The following CHSY3 variants were observed in gnomAD, a reference collection of about 807,000 sequenced individuals.
CHSY3 encodes the protein N-acetylgalactosaminyl-proteoglycan 3-beta-glucuronosyltransferase 3.
A neutral mutation model predicts 67.2 loss-of-function variants in CHSY3; 35 were observed. The ratio of observed to expected loss-of-function variants is 0.52; its 90% CI spans 0.40 to 0.69. The LOEUF (loss-of-function observed/expected upper bound fraction) is 0.69, where lower values mean the gene tolerates loss of function less well. CHSY3 is among the 30% of genes least tolerant of loss of function. CHSY3 has a pLI of 0.00. For synonymous variants in CHSY3, 474 were observed against 434.7 expected (o/e 1.09, Z -1.12); for missense variants, 1,069 against 1,138.5 (o/e 0.94, Z 0.88).
intron 2 of CHSY3, among the ~76,000 whole-genome samples, chr5:130,011,462 T>A (rs903973393): frequency 3.9e-5 from 6 of 152,144 alleles, no homozygotes; most frequent in African/African-American, 1.4e-4. Flanking sequence ...TAGTCATCAA[T>A]GGTACATACC....
At chr5:130,044,278 G>A (rs1467803776) in intron 2 of CHSY3, among the ~76,000 whole-genome samples, 9 of 152,114 alleles carry the variant, frequency 5.9e-5, no homozygotes, top group African/African-American at 2.2e-4. Flanking sequence ...GAGACCAAGA[G>A]AGCGGAGTGT....
chr5:129,916,795 G>T (rs1048349648), intron 2 of CHSY3, among the ~76,000 whole-genome samples: 1 of 152,126 alleles, frequency 6.6e-6, no homozygotes, highest in Non-Finnish European at 1.5e-5. Context: ...GAGTGCATAA[G>T]AAGGAGGAGT....
At chr5:130,165,668 T>C (rs1396683220) in intron 2 of CHSY3, among the ~76,000 whole-genome samples, 1 of 152,046 alleles carries the variant, frequency 6.6e-6, no homozygotes, top group Non-Finnish European at 1.5e-5. Flanking sequence ...TTTTATATAT[T>C]TGAGATACAT....
At chr5:130,156,025 A>G (rs572992700) in intron 2 of CHSY3, among the ~76,000 whole-genome samples, 4 of 152,342 alleles carry the variant, frequency 2.6e-5, no homozygotes, top group Non-Finnish European at 5.9e-5. Flanking sequence ...TGGTATGAGG[A>G]GTGCAGTTAT....
At chr5:130,142,643 C>T (rs959324162) in intron 2 of CHSY3, among the ~76,000 whole-genome samples, 3 of 152,132 alleles carry the variant, frequency 2.0e-5, no homozygotes, top group African/African-American at 4.8e-5. Flanking sequence ...ATCCTCAAAG[C>T]CTTTCCTTTG....
At chr5:130,038,988 C>G (rs1307583167) in intron 2 of CHSY3, among the ~76,000 whole-genome samples, 1 of 151,894 alleles carries the variant, frequency 6.6e-6, no homozygotes, top group African/African-American at 2.4e-5. Context: ...GAAATTCATA[C>G]GAATATTTCT....
At chr5:130,033,461 ATTACTGATTCTCATG>A (rs1764758073) in intron 2 of CHSY3, among the ~76,000 whole-genome samples, 1 of 152,174 alleles carries the variant, frequency 6.6e-6, no homozygotes, top group South Asian at 2.1e-4. Flanking sequence ...TAGATGTGCA[ATTACTGATTCTCATG>A]AAACTGTCTT....
chr5:129,981,138 G>A (rs994739381), intron 2 of CHSY3, among the ~76,000 whole-genome samples: 1 of 151,636 alleles, frequency 6.6e-6, no homozygotes, highest in African/African-American at 2.4e-5. Context: ...GGAGAATGGC[G>A]TGAACCCGGG....
At chr5:130,177,597 TC>T (rs746830056) in intron 2 of CHSY3, among the ~76,000 whole-genome samples, 19 of 152,270 alleles carry the variant, frequency 1.2e-4, no homozygotes, top group Admixed American at 2.0e-4. Context: ...TTTTTGTACT[TC>T]CAGTTTTCAT....
chr5:130,002,751 T>C (rs555044152), intron 2 of CHSY3, among the ~76,000 whole-genome samples: 1 of 152,242 alleles, frequency 6.6e-6, no homozygotes, highest in East Asian at 1.9e-4. Flanking sequence ...TATAACATCA[T>C]GTTGTATACC....
intron 2 of CHSY3, among the ~76,000 whole-genome samples, chr5:130,006,314 A>G (rs73785848): frequency 0.023 from 3,565 of 152,188 alleles, 131 homozygotes; most frequent in African/African-American, 0.082. Flanking sequence ...GTGAGAGAGG[A>G]TAGACTATGT....
intron 2 of CHSY3, among the ~76,000 whole-genome samples, chr5:130,086,372 C>T (rs576332270): frequency 6.6e-6 from 1 of 151,974 alleles, no homozygotes; most frequent in African/African-American, 2.4e-5. Context: ...TAATGGCTTT[C>T]TTTGTCTCTT....
intron 2 of CHSY3, among the ~76,000 whole-genome samples, chr5:130,008,675 A>G (rs556212157): frequency 6.6e-6 from 1 of 152,342 alleles, no homozygotes; most frequent in South Asian, 2.1e-4. Flanking sequence ...AATGAAGATC[A>G]TTGAAATTCA....
intron 2 of CHSY3, among the ~76,000 whole-genome samples, chr5:130,123,658 C>G (rs2149709947): frequency 6.6e-6 from 1 of 152,298 alleles, no homozygotes; most frequent in East Asian, 1.9e-4. Context: ...TGCTCTTACT[C>G]TGTTTCTTTT....
At chr5:130,018,170 T>G (rs1051044323) in intron 2 of CHSY3, among the ~76,000 whole-genome samples, 4 of 152,182 alleles carry the variant, frequency 2.6e-5, no homozygotes, top group Admixed American at 6.5e-5. Context: ...TTGTAAAAAA[T>G]AAATCTTATT....
At position 130,143,804 on chromosome 5, in the gene CHSY3, A is replaced by ATATATATG. The variant is rs1356600752; in HGVS notation, c.1087-40424_1087-40423insATATATGT. The stretch of plus-strand genomic sequence containing the variant: ...TATGTGTATATATATATATATATAT[A>ATATATATG]TGTGTGTATATATATATATATATAT... On this transcript the variant is annotated intron_variant, in intron 2 of 2. Coordinates refer to ENST00000305031, the MANE Select transcript of CHSY3 (RefSeq NM_175856.5). 4.7e-3 allele frequency among the ~76,000 whole-genome samples: 174 copies of ATATATATG among 37,380 alleles called. 1 individual carries two copies. The highest frequency in any genetic ancestry group is 6.7e-3 in the Admixed American group (18 of 2,700). 24.5% of individuals were successfully genotyped at this position (37,380 alleles called of 152,430 possible).
intron 1 of CHSY3, 27 bp downstream of exon 1, chr5:129,905,658 C>T (rs376443842): frequency 2.6e-5 from 41 of 1,606,350 alleles, no homozygotes; most frequent in Non-Finnish European, 3.0e-5. Flanking sequence ...GGCTTTCCAG[C>T]CTGCCAGTCT....
intron 2 of CHSY3, among the ~76,000 whole-genome samples, chr5:130,129,045 A>T (rs1488467238): frequency 6.6e-6 from 1 of 152,078 alleles, no homozygotes; most frequent in Non-Finnish European, 1.5e-5. Context: ...TATCTGCTCA[A>T]TTCTAGTGAT....
intron 2 of CHSY3, among the ~76,000 whole-genome samples, chr5:130,101,289 C>T (rs1047820681): frequency 6.6e-6 from 1 of 152,108 alleles, no homozygotes; most frequent in Non-Finnish European, 1.5e-5. Context: ...CTGTCTTTTA[C>T]TGTATCATTT....
Sources: allele counts gnomAD v4.1 joint callset (sites outside exome capture counted in the v4.1 genomes callset), GRCh38; gene constraint gnomAD v4.1.1; transcripts MANE v1.5; gene names NCBI Gene and HGNC (gene_info 2026-07-23, HGNC 2026-07-21).